Variants in BCKDHB observed in about 807,000 individuals in gnomAD.
BCKDHB encodes 2-oxoisovalerate dehydrogenase subunit beta, mitochondrial.
In BCKDHB, 41 loss-of-function variants were observed where a neutral mutation model predicts 48.5. The ratio of observed to expected loss-of-function variants is 0.85; its 90% CI spans 0.66 to 1.10. The LOEUF is 1.10. Ranked by LOEUF, BCKDHB falls within the 50% of genes least tolerant of loss-of-function variation. The pLI is 0.00. For missense variants in BCKDHB, 496 were observed against 494.2 expected (o/e 1.00, Z -0.03); for synonymous variants, 201 against 174.8 (o/e 1.15, Z -1.18).
At chr6:80,394,521 A>G in the BCKDHB span, among the ~76,000 whole-genome samples, 9 of 151,438 alleles carry the variant, frequency 5.9e-5, no homozygotes, top group African/African-American at 1.9e-4. Context: ...TTCTGTTTGT[A>G]TGCTTTGGTC....
chr6:80,228,760 G>A (rs1186954450), intron 8 of BCKDHB, among the ~76,000 whole-genome samples: 1 of 152,206 alleles, frequency 6.6e-6, no homozygotes, highest in Non-Finnish European at 1.5e-5. Flanking sequence ...GTGCAGGCAT[G>A]TGTGTAGAGA....
At chr6:80,313,441 A>G (rs1562223324) in intron 9 of BCKDHB, among the ~76,000 whole-genome samples, 1 of 151,818 alleles carries the variant, frequency 6.6e-6, no homozygotes, top group Non-Finnish European at 1.5e-5. Context: ...GCTCACTGCA[A>G]CCTCTGCCTC....
At chr6:80,465,774 C>G in the BCKDHB span, 1 of 152,210 alleles carries the variant, frequency 6.6e-6, no homozygotes, top group East Asian at 1.9e-4. Flanking sequence ...GTGGGAAGTG[C>G]TGCTTGCCGA....
At chr6:80,125,828 CATG>C (rs1770314943) in intron 1 of BCKDHB, among the ~76,000 whole-genome samples, 1 of 152,054 alleles carries the variant, frequency 6.6e-6, no homozygotes, top group Non-Finnish European at 1.5e-5. Flanking sequence ...GATCAGAGAT[CATG>C]ATAACAGATG....
chr6:80,308,557 A>G (rs1449809200), intron 9 of BCKDHB, among the ~76,000 whole-genome samples: 1 of 151,936 alleles, frequency 6.6e-6, no homozygotes, highest in Non-Finnish European at 1.5e-5. Context: ...AAATGGGGAA[A>G]AAAAACCCAA....
intron 9 of BCKDHB, among the ~76,000 whole-genome samples, chr6:80,284,931 C>T (rs533640586): frequency 1.3e-5 from 2 of 152,234 alleles, no homozygotes; most frequent in South Asian, 2.1e-4. Context: ...CTTTCAGAAC[C>T]ACTCAGACAA....
chr6:80,215,210 G>A (rs764817842), intron 8 of BCKDHB, among the ~76,000 whole-genome samples: 7 of 152,186 alleles, frequency 4.6e-5, no homozygotes, highest in Non-Finnish European at 1.0e-4. Flanking sequence ...AAAACAGGTA[G>A]GGCGGTGCCC....
the BCKDHB span, among the ~76,000 whole-genome samples, chr6:80,361,847 C>T: frequency 6.6e-6 from 1 of 152,214 alleles, no homozygotes; most frequent in East Asian, 1.9e-4. Context: ...CATTTTGTGG[C>T]TTGAAATGAG....
chr6:80,212,965 A>G (rs1775008467), intron 8 of BCKDHB, among the ~76,000 whole-genome samples: 1 of 152,158 alleles, frequency 6.6e-6, no homozygotes. Context: ...CTTTCTTCCA[A>G]GTTCTGTGAC....
chr6:80,227,424 A>T (rs1454087516), intron 8 of BCKDHB, among the ~76,000 whole-genome samples: 1 of 152,284 alleles, frequency 6.6e-6, no homozygotes, highest in Non-Finnish European at 1.5e-5. Flanking sequence ...GGATTATTTC[A>T]TCTCTTTAGG....
At chr6:80,184,241 GT>G in intron 6 of BCKDHB, among the ~76,000 whole-genome samples, 1 of 152,228 alleles carries the variant, frequency 6.6e-6, no homozygotes, top group East Asian at 1.9e-4. Context: ...TTTAAAGTCT[GT>G]TTTGTCTGAG....
At chr6:80,458,380 T>A in the BCKDHB span, among the ~76,000 whole-genome samples, 92 of 152,348 alleles carry the variant, frequency 6.0e-4, no homozygotes, top group Middle Eastern at 3.4e-3. Context: ...GCATTTTATG[T>A]GAATTTGTCC....
At chr6:80,301,998 C>G (rs752121498) in intron 9 of BCKDHB, among the ~76,000 whole-genome samples, 1 of 151,994 alleles carries the variant, frequency 6.6e-6, no homozygotes. Context: ...AGGAACATAC[C>G]TCAAAACAAT....
chr6:80,222,861 T>C (rs780923957), intron 8 of BCKDHB, among the ~76,000 whole-genome samples: 1 of 152,186 alleles, frequency 6.6e-6, no homozygotes, highest in Non-Finnish European at 1.5e-5. Context: ...TAAGAGTGGC[T>C]ACTAGGCCCT....
chr6:80,136,929 T>C (rs1582210068), intron 3 of BCKDHB, among the ~76,000 whole-genome samples: 1 of 152,096 alleles, frequency 6.6e-6, no homozygotes, highest in South Asian at 2.1e-4. Flanking sequence ...TTCGTACTCA[T>C]TAGGATGGCT....
chr6:80,297,866 A>C (rs181142208), intron 9 of BCKDHB, among the ~76,000 whole-genome samples: 10 of 152,306 alleles, frequency 6.6e-5, no homozygotes, highest in Admixed American at 5.9e-4. Context: ...TGATGCCCCC[A>C]GTGTCAAAAA....
chr6:80,366,075 A>G, the BCKDHB span, among the ~76,000 whole-genome samples: 1 of 152,134 alleles, frequency 6.6e-6, no homozygotes, highest in South Asian at 2.1e-4. Context: ...CTGCAGGCCA[A>G]TTTTACTCTT....
At chr6:80,430,336 G>C in the BCKDHB span, among the ~76,000 whole-genome samples, 20 of 152,204 alleles carry the variant, frequency 1.3e-4, no homozygotes, top group East Asian at 3.9e-3. Context: ...CTTTTTTGTT[G>C]TGTGTCTGCC....
rs374610032 is a variant in BCKDHB, at chr6:80,228,634, C to T, written c.951+25422C>T. Among the ~76,000 whole-genome samples, 6 of 152,086 alleles carry T rather than the reference C, an allele frequency of 3.9e-5. No individual in the cohort carries two copies. In the East Asian group the frequency reaches 7.7e-4, roughly 20 times the overall value. ...TGTCTTGAAATGGCATTTTGTTTTT[C>T]ACAGACAGTGCTTTGAGATGGGTTT... On this transcript the variant is annotated intron_variant, in intron 8 of 9. Coordinates refer to ENST00000320393, the MANE Select transcript of BCKDHB (RefSeq NM_183050.4).
Sources: gnomAD v4.1 joint callset for allele counts (sites outside exome capture counted in the v4.1 genomes callset) on GRCh38, gnomAD v4.1.1 for gene constraint, MANE v1.5 for transcripts, NCBI Gene and HGNC (gene_info 2026-07-23, HGNC 2026-07-21) for gene names.